Variants in GMDS observed in about 807,000 individuals in gnomAD.
The protein encoded by GMDS is GDP-mannose 4,6-dehydratase, also known as GDP-mannose 4,6 dehydratase.
GMDS carries 20 observed loss-of-function variants against 49.9 expected under a neutral mutation model. That is an observed-to-expected ratio of 0.40 (90% CI 0.28 to 0.58). The LOEUF is 0.58. GMDS is among the 20% of genes least tolerant of loss of function. The probability of loss-of-function intolerance (pLI) is 0.42; values close to 1 mark genes in which losing one functional copy is unlikely to be tolerated. For synonymous variants in GMDS, 177 were observed against 178.6 expected (o/e 0.99, Z 0.07); for missense variants, 362 against 481.4 (o/e 0.75, Z 2.32).
intron 1 of GMDS, among the ~76,000 whole-genome samples, chr6:2,145,706 T>C (rs1044029697): frequency 6.6e-6 from 1 of 152,190 alleles, no homozygotes; most frequent in Non-Finnish European, 1.5e-5. Context: ...TAACAACTAT[T>C]TATACAGTGT....
At chr6:1,910,125 A>G (rs1760976046) in intron 7 of GMDS, among the ~76,000 whole-genome samples, 2 of 152,216 alleles carry the variant, frequency 1.3e-5, no homozygotes, top group South Asian at 4.1e-4. Flanking sequence ...CTTAAAATTA[A>G]TGTTACATTT....
chr6:1,918,051 A>G (rs1761492839), intron 7 of GMDS, among the ~76,000 whole-genome samples: 1 of 152,236 alleles, frequency 6.6e-6, no homozygotes, highest in Non-Finnish European at 1.5e-5. Context: ...TTTAAATTCT[A>G]TATGTATTTA....
chr6:2,117,534 G>C lies in GMDS; in HGVS notation c.170C>G (p.Ser57Cys). Residue 57 changes from serine to cysteine, a missense_variant, in exon 3 of 11, where the codon TCC (serine) becomes TGC (cysteine). Coordinates refer to ENST00000380815, the MANE Select transcript of GMDS (RefSeq NM_001500.4). ...GYEVHGIVRR[S>C]SSFNTGRIEH... ...AATTCGACCCGTATTAAATGAACTGGACCGCCGTACAATTCCATGGACCTG... is the reference window on the plus strand; with the variant it reads ...AATTCGACCCGTATTAAATGAACTGCACCGCCGTACAATTCCATGGACCTG... The C allele has an allele frequency of 6.2e-7, 1 of 1,605,636 alleles. No individual in the cohort carries two copies. The highest frequency in any genetic ancestry group is 8.5e-7 in the Non-Finnish European group (1 of 1,172,304).
At chr6:1,829,045 C>G (rs2113720897) in intron 7 of GMDS, among the ~76,000 whole-genome samples, 1 of 152,278 alleles carries the variant, frequency 6.6e-6, no homozygotes, top group East Asian at 1.9e-4. Flanking sequence ...TTAGGAAAAT[C>G]ATAAGAAACA....
chr6:2,084,261 G>C (rs1312617517), intron 4 of GMDS, among the ~76,000 whole-genome samples: 2 of 152,114 alleles, frequency 1.3e-5, no homozygotes, highest in Non-Finnish European at 2.9e-5. Flanking sequence ...CGTTTGAGAG[G>C]TTTGAGGGAG....
chr6:2,225,659 A>G (rs1007028738), intron 1 of GMDS, among the ~76,000 whole-genome samples: 1 of 152,208 alleles, frequency 6.6e-6, no homozygotes, highest in Admixed American at 6.5e-5. Flanking sequence ...TACAGCACAA[A>G]GGAAGTAAAA....
At chr6:1,934,149 T>C (rs1280449917) in intron 6 of GMDS, among the ~76,000 whole-genome samples, 1 of 152,218 alleles carries the variant, frequency 6.6e-6, no homozygotes, top group Non-Finnish European at 1.5e-5. Flanking sequence ...TCCCATTCAA[T>C]AGCATTTTCC....
chr6:1,892,987 C>A (rs960947477), intron 7 of GMDS, among the ~76,000 whole-genome samples: 1 of 152,074 alleles, frequency 6.6e-6, no homozygotes, highest in African/African-American at 2.4e-5. Context: ...TTATATCAGT[C>A]CCGTAATTAA....
chr6:1,889,514 C>T (rs1464919212), intron 7 of GMDS, among the ~76,000 whole-genome samples: 1 of 152,214 alleles, frequency 6.6e-6, no homozygotes, highest in Non-Finnish European at 1.5e-5. Context: ...GACTACTCTT[C>T]CATGCAAGGA....
At chr6:2,086,379 T>C (rs529473515) in intron 4 of GMDS, among the ~76,000 whole-genome samples, 5 of 152,138 alleles carry the variant, frequency 3.3e-5, no homozygotes, top group African/African-American at 9.7e-5. Flanking sequence ...CAATAGAAAA[T>C]TGTGGCTCAC....
In GMDS at chr6:2,124,345, T is replaced by C. The variant is rs145356375; in HGVS notation, c.147+342A>G. Among the ~76,000 whole-genome samples the C allele has an allele frequency of 8.5e-5, 13 of 152,354 alleles. No homozygotes were observed. The East Asian group carries it at 1.5e-3, about 18-fold the overall frequency. Reference sequence around the variant, plus strand: ...GTAATTTCTGAATTAAGTGACTTCATGGTGAGTAGGACTTTCTTATGAAAC... The same window carrying C: ...GTAATTTCTGAATTAAGTGACTTCACGGTGAGTAGGACTTTCTTATGAAAC... On this transcript the variant is annotated intron_variant, in intron 2 of 10. Coordinates refer to ENST00000380815, the MANE Select transcript of GMDS (RefSeq NM_001500.4).
intron 7 of GMDS, among the ~76,000 whole-genome samples, chr6:1,911,732 C>G (rs768625342): frequency 6.6e-6 from 1 of 152,108 alleles, no homozygotes; most frequent in Non-Finnish European, 1.5e-5. Context: ...TAAATTGAAC[C>G]ATTGAAGGAT....
At chr6:1,837,372 G>A (rs2113738915) in intron 7 of GMDS, among the ~76,000 whole-genome samples, 1 of 152,232 alleles carries the variant, frequency 6.6e-6, no homozygotes, top group Non-Finnish European at 1.5e-5. Flanking sequence ...ACAGAAATGT[G>A]GTCTTTGCAG....
chr6:2,126,769 G>A (rs898368709), intron 1 of GMDS, among the ~76,000 whole-genome samples: 3 of 152,130 alleles, frequency 2.0e-5, no homozygotes, highest in Non-Finnish European at 1.5e-5. Flanking sequence ...AAATAGCTGG[G>A]ATTACAGGTG....
intron 9 of GMDS, among the ~76,000 whole-genome samples, chr6:1,720,266 G>A (rs376305188): frequency 6.6e-6 from 1 of 152,140 alleles, no homozygotes; most frequent in Non-Finnish European, 1.5e-5. Flanking sequence ...CAGGCTTCAG[G>A]AGGAATGTTA....
rs1003152388 is a variant in GMDS at position 1,766,237 on chromosome 6, A to G, written c.772-23651T>C. On this transcript the variant is annotated intron_variant, in intron 7 of 10. Coordinates refer to ENST00000380815, the MANE Select transcript of GMDS (RefSeq NM_001500.4). This position sits in a 1 kb window ranked among gnomAD's most constrained non-coding sequence, Gnocchi z 4.5. ...GCACAGAAGCAAGGAGAAGTTAGCTAATTTAAGCTGATGTGCATTGAGTCA... is the reference window on the plus strand; with the variant it reads ...GCACAGAAGCAAGGAGAAGTTAGCTGATTTAAGCTGATGTGCATTGAGTCA... Among the ~76,000 whole-genome samples the G allele has an allele frequency of 2.0e-5, 3 of 152,168 alleles. No homozygotes were observed. The highest frequency in any genetic ancestry group is 2.9e-5 in the Non-Finnish European group (2 of 68,036).
At chr6:2,068,169 T>C (rs1360352857) in intron 4 of GMDS, among the ~76,000 whole-genome samples, 1 of 151,754 alleles carries the variant, frequency 6.6e-6, no homozygotes, top group African/African-American at 2.4e-5. Flanking sequence ...AAAAACCACA[T>C]GATTATCTCA....
At chr6:1,971,385 T>G (rs1414475033) in intron 4 of GMDS, among the ~76,000 whole-genome samples, 1 of 152,210 alleles carries the variant, frequency 6.6e-6, no homozygotes, top group African/African-American at 2.4e-5. Context: ...TCTGTTGCAA[T>G]TATATTTTTC....
intron 4 of GMDS, among the ~76,000 whole-genome samples, chr6:1,977,283 A>G (rs1764958745): frequency 6.6e-6 from 1 of 152,194 alleles, no homozygotes. Context: ...AAAAATCCAT[A>G]TTTTGCCAAT....
Sources: allele counts gnomAD v4.1 joint callset (sites outside exome capture counted in the v4.1 genomes callset), GRCh38; gene constraint gnomAD v4.1.1; non-coding constraint Gnocchi (gnomAD v3.1); transcripts MANE v1.5; gene names NCBI Gene and HGNC (gene_info 2026-07-23, HGNC 2026-07-21).